Variants in AK4 observed in about 807,000 individuals in gnomAD.
AK4 encodes adenylate kinase 4, also known as adenylate kinase 4, mitochondrial.
In AK4, 13 loss-of-function variants were observed where a neutral mutation model predicts 24.6. The observed-to-expected ratio is 0.53, with a 90% confidence interval of 0.34 to 0.84. AK4 has a LOEUF of 0.84. Among genes scored for constraint, AK4 ranks in the 40% least tolerant of loss-of-function variants. The pLI is 0.01. For synonymous variants in AK4, 88 were observed against 107.0 expected (o/e 0.82, Z 1.10); for missense variants, 192 against 288.2 (o/e 0.67, Z 2.42).
intron 2 of AK4, among the ~76,000 whole-genome samples, chr1:65,208,700 C>T (rs1373363389): frequency 2.0e-5 from 3 of 152,204 alleles, no homozygotes; most frequent in African/African-American, 7.2e-5. Flanking sequence ...CTTTCATTTC[C>T]ATCAGGCGGA....
In AK4 at chr1:65,230,205, C is replaced by G. The variant is rs1238285209; in HGVS notation, c.*4028C>G. The G allele has an allele frequency of 6.6e-6, 1 of 152,088 alleles. No individual in the cohort carries two copies. The highest frequency in any genetic ancestry group is 1.5e-5 in the Non-Finnish European group (1 of 68,016). 9.4% of individuals were successfully genotyped at this position (152,088 alleles called of 1,614,324 possible). On this transcript the variant is annotated 3_prime_UTR_variant, in exon 5 of 5. Coordinates refer to ENST00000327299, the MANE Select transcript of AK4 (RefSeq NM_013410.4). ...GTTCCATTGTTACCCTAGGTGTGCC[C>G]ATCTCTTTGGTAGGGAAGGAGAAAG...
At chr1:65,209,027 A>G (rs1339489995) in intron 2 of AK4, among the ~76,000 whole-genome samples, 1 of 152,246 alleles carries the variant, frequency 6.6e-6, no homozygotes, top group Admixed American at 6.5e-5. Context: ...TGTAGATGTC[A>G]TAATTAGTGA....
chr1:65,217,947 T>C (rs186283224), intron 2 of AK4, among the ~76,000 whole-genome samples: 41 of 152,354 alleles, frequency 2.7e-4, no homozygotes, highest in Admixed American at 2.4e-3. Flanking sequence ...CTTTGATACA[T>C]ACAGTGTGAA....
chr1:65,211,878 G>A (rs2101073274), intron 2 of AK4, among the ~76,000 whole-genome samples: 1 of 152,302 alleles, frequency 6.6e-6, no homozygotes, highest in African/African-American at 2.4e-5. Context: ...AAAATAAAGG[G>A]TGAATAGGAG....
At chr1:65,201,828 G>T (rs1391199191) in intron 2 of AK4, among the ~76,000 whole-genome samples, 1 of 152,110 alleles carries the variant, frequency 6.6e-6, no homozygotes, top group African/African-American at 2.4e-5. Flanking sequence ...TTAGAGGGAG[G>T]GAAGATCACA....
chr1:65,185,859 C>T (rs1651080902), intron 1 of AK4, among the ~76,000 whole-genome samples: 1 of 152,068 alleles, frequency 6.6e-6, no homozygotes, highest in Non-Finnish European at 1.5e-5. Context: ...AGGTGATCTG[C>T]CCACCTTGGC....
chr1:65,175,571 A>G (rs1041435292), intron 1 of AK4, among the ~76,000 whole-genome samples: 3 of 152,188 alleles, frequency 2.0e-5, no homozygotes, highest in Admixed American at 6.5e-5. Flanking sequence ...TTTAAAAGTG[A>G]CATTCCTCCT....
chr1:65,151,674 C>G (rs2100975942), intron 1 of AK4, among the ~76,000 whole-genome samples: 1 of 152,320 alleles, frequency 6.6e-6, no homozygotes, highest in South Asian at 2.1e-4. Context: ...GCCTGGGTCA[C>G]AAATTCTAGA....
At chr1:65,208,457 C>T (rs866520853) in intron 2 of AK4, among the ~76,000 whole-genome samples, 2 of 152,280 alleles carry the variant, frequency 1.3e-5, no homozygotes, top group Middle Eastern at 3.4e-3. Flanking sequence ...GGAAGAATAA[C>T]CAACCACCTG....
chr1:65,221,699 C>T (rs1045251664), intron 3 of AK4, among the ~76,000 whole-genome samples: 1 of 152,198 alleles, frequency 6.6e-6, no homozygotes, highest in Non-Finnish European at 1.5e-5. Flanking sequence ...CCAACACAGA[C>T]GCTTTATATT....
At chr1:65,199,161 C>T (rs1465365370) in intron 2 of AK4, among the ~76,000 whole-genome samples, 1 of 151,932 alleles carries the variant, frequency 6.6e-6, no homozygotes, top group Non-Finnish European at 1.5e-5. Context: ...ATTTTCCCCC[C>T]TGGACTTTGA....
chr1:65,205,511 A>G (rs767555902), intron 2 of AK4, among the ~76,000 whole-genome samples: 1 of 152,194 alleles, frequency 6.6e-6, no homozygotes, highest in Non-Finnish European at 1.5e-5. Context: ...TTGGATTTAC[A>G]GGCGTGAGCC....
intron 1 of AK4, among the ~76,000 whole-genome samples, chr1:65,169,557 C>A (rs1650442469): frequency 6.6e-6 from 1 of 152,072 alleles, no homozygotes; most frequent in East Asian, 1.9e-4. Flanking sequence ...TACACAGATT[C>A]ATATATATTG....
chr1:65,180,049 A>G (rs1398446170), intron 1 of AK4, among the ~76,000 whole-genome samples: 1 of 152,250 alleles, frequency 6.6e-6, no homozygotes, highest in African/African-American at 2.4e-5. Context: ...GACTGAGGCA[A>G]AGACATACGT....
intron 1 of AK4, among the ~76,000 whole-genome samples, chr1:65,184,802 G>A (rs1045085004): frequency 6.6e-6 from 1 of 152,092 alleles, no homozygotes; most frequent in African/African-American, 2.4e-5. Flanking sequence ...ATTCAGATGC[G>A]GATATATTAA....
In AK4 at chr1:65,157,532, C is replaced by T. The variant is rs568425443; in HGVS notation, c.145+8980C>T. ...GGTGTGGTGGTTCATGTTTGTAATC[C>T]CAGCACTTTGGGAGGCTGAGGCTGG... On this transcript the variant is annotated intron_variant, in intron 1 of 4. Transcript: ENST00000327299. Among the ~76,000 whole-genome samples, 14 of 152,164 alleles carry T rather than the reference C, an allele frequency of 9.2e-5. No homozygotes were observed. In the East Asian group the frequency reaches 2.5e-3, roughly 27 times the overall value.
chr1:65,219,491 T>C (rs554499794), intron 3 of AK4, among the ~76,000 whole-genome samples: 19 of 152,240 alleles, frequency 1.2e-4, no homozygotes, highest in Admixed American at 7.9e-4. Flanking sequence ...AAAAAGCAAA[T>C]GAATGTCCAT....
At chr1:65,195,411 C>T (rs929523354) in intron 2 of AK4, among the ~76,000 whole-genome samples, 2 of 152,170 alleles carry the variant, frequency 1.3e-5, no homozygotes, top group Non-Finnish European at 1.5e-5. Context: ...TTGACTTTGC[C>T]ACCACGTAAC....
upstream of AK4, chr1:65,148,181 G>C (rs1649629314): frequency 1.4e-5 from 13 of 897,346 alleles, no homozygotes; most frequent in South Asian, 2.6e-4. Flanking sequence ...GGAGAAGGGC[G>C]GGGAGGTGTA....
Sources: gnomAD v4.1 joint callset for allele counts (sites outside exome capture counted in the v4.1 genomes callset) on GRCh38, gnomAD v4.1.1 for gene constraint, MANE v1.5 for transcripts, NCBI Gene and HGNC (gene_info 2026-07-23, HGNC 2026-07-21) for gene names.